Variants in PDE7B observed in about 807,000 individuals in gnomAD.
PDE7B encodes the protein phosphodiesterase 7B.
PDE7B carries 29 observed loss-of-function variants against 56.2 expected under a neutral mutation model. The observed-to-expected ratio is 0.52, with a 90% CI of 0.38 to 0.70. The LOEUF (loss-of-function observed/expected upper bound fraction) is 0.70, where lower values mean the gene tolerates loss of function less well. PDE7B is among the 30% of genes least tolerant of loss of function. PDE7B has a pLI of 0.00. For synonymous variants in PDE7B, 197 were observed against 196.9 expected, an observed-to-expected ratio of 1.00 and a Z score of 0.00; for missense variants, 490 against 565.0, an observed-to-expected ratio of 0.87 and a Z score of 1.35.
At chr6:135,937,930 C>A (rs2128198220) in intron 1 of PDE7B, among the ~76,000 whole-genome samples, 1 of 152,314 alleles carries the variant, frequency 6.6e-6, no homozygotes. Flanking sequence ...CTTCTACCTT[C>A]TTCCTTCCGC....
At chr6:136,040,581 AT>A (rs1318592023) in intron 2 of PDE7B, among the ~76,000 whole-genome samples, 2 of 152,110 alleles carry the variant, frequency 1.3e-5, no homozygotes, top group Admixed American at 1.3e-4. Flanking sequence ...AACTTCTGGC[AT>A]TTTTTTGTTT....
chr6:135,949,374 C>T (rs981954239), intron 2 of PDE7B, among the ~76,000 whole-genome samples: 2 of 152,052 alleles, frequency 1.3e-5, no homozygotes, highest in African/African-American at 4.8e-5. Flanking sequence ...AATTATCTTT[C>T]CATCTCTTCT....
At chr6:135,975,640 G>T (rs1386373912) in intron 2 of PDE7B, among the ~76,000 whole-genome samples, 5 of 152,172 alleles carry the variant, frequency 3.3e-5, no homozygotes, top group Admixed American at 3.3e-4. Context: ...GTAAAGAAAA[G>T]GATTCTATTT....
In PDE7B at chr6:136,142,039, G is replaced by A. The variant is rs1256322862; in HGVS notation, c.167-5312G>A. 3.3e-5 allele frequency among the ~76,000 whole-genome samples: 5 copies of A among 152,066 alleles called. No homozygotes were observed. In the East Asian group the frequency reaches 9.6e-4, roughly 29 times the overall value. On this transcript the variant is annotated intron_variant, in intron 3 of 12. Coordinates refer to ENST00000308191, the MANE Select transcript of PDE7B (RefSeq NM_018945.4). ...TCTTGCTTCTCTAGTTCTTTTAATT[G>A]TGATGTTAGGGTATCAGTTTTAGAT...
At chr6:135,976,851 A>G (rs1294520902) in intron 2 of PDE7B, among the ~76,000 whole-genome samples, 1 of 152,054 alleles carries the variant, frequency 6.6e-6, no homozygotes, top group Admixed American at 6.6e-5. Flanking sequence ...AGGCTATTTC[A>G]CTTTCTAAAA....
chr6:136,140,722 T>G (rs9494453), intron 3 of PDE7B, among the ~76,000 whole-genome samples: 54,231 of 151,960 alleles, frequency 0.36, 9,892 homozygotes, highest in South Asian at 0.47. Context: ...TTTTGTTCTC[T>G]TTGAAGCAAT....
At chr6:136,145,503 G>A (rs1437163698) in intron 3 of PDE7B, among the ~76,000 whole-genome samples, 1 of 152,110 alleles carries the variant, frequency 6.6e-6, no homozygotes, top group Non-Finnish European at 1.5e-5. Context: ...CAGAATCTGG[G>A]TGCTAGAAGT....
chr6:135,993,034 C>G, intron 2 of PDE7B: 1 of 152,340 alleles, frequency 6.6e-6, no homozygotes, highest in Non-Finnish European at 1.5e-5. Flanking sequence ...CCAAATGCTC[C>G]TATCATCACG....
At chr6:136,160,769 C>A (rs900784065) in intron 8 of PDE7B, among the ~76,000 whole-genome samples, 2 of 152,300 alleles carry the variant, frequency 1.3e-5, no homozygotes, top group African/African-American at 4.8e-5. Context: ...CACCATTCCC[C>A]TCCCAGGCTT....
chr6:136,149,167 A>G lies in PDE7B; in HGVS notation c.382+17A>G, dbSNP rs1778469203. The stretch of plus-strand genomic sequence containing the variant: ...TGACAAATGGTAAGTTACCCAAAAG[A>G]ATTCTCACTAAAATATACACCATAA... On this transcript the variant is annotated intron_variant, in intron 5 of 12. Transcript: ENST00000308191. The G allele has an allele frequency of 6.5e-7, 1 of 1,542,752 alleles. No homozygotes were observed. Among genetic ancestry groups the G allele is most frequent in the Non-Finnish European group, 9.0e-7 (1 of 1,115,034 alleles).
chr6:135,951,923 G>A (rs1301319844), intron 2 of PDE7B, among the ~76,000 whole-genome samples: 7 of 152,238 alleles, frequency 4.6e-5, no homozygotes, highest in Middle Eastern at 3.4e-3. Flanking sequence ...CTAATCTTCA[G>A]AACAACAGAA....
At chr6:135,928,870 A>G (rs1265736371) in intron 1 of PDE7B, among the ~76,000 whole-genome samples, 2 of 151,984 alleles carry the variant, frequency 1.3e-5, no homozygotes, top group Non-Finnish European at 2.9e-5. Context: ...TATGCTCACT[A>G]CCTGGGTAAC....
chr6:136,173,902 A>T lies in PDE7B; in HGVS notation c.803+14A>T, dbSNP rs745841159. 4.5e-6 allele frequency: 7 copies of T among 1,572,908 alleles called. No homozygotes were observed. The highest frequency in any genetic ancestry group is 6.1e-6 in the Non-Finnish European group (7 of 1,142,688). On this transcript the variant is annotated intron_variant, in intron 9 of 12. Transcript: ENST00000308191. ...AAAGGAAATGACGTAAGTGCTGCCGAGATGAAACATACTGATGTGCATGCA... is the reference window on the plus strand; with the variant it reads ...AAAGGAAATGACGTAAGTGCTGCCGTGATGAAACATACTGATGTGCATGCA...
intron 2 of PDE7B, among the ~76,000 whole-genome samples, chr6:136,001,761 G>C (rs1485328171): frequency 3.9e-5 from 6 of 152,176 alleles, no homozygotes; most frequent in Admixed American, 3.3e-4. Context: ...ATGGAACCAA[G>C]TTGGAAAACA....
chr6:135,884,130 T>TTGCCAGTAC (rs1436050906), intron 1 of PDE7B, among the ~76,000 whole-genome samples: 1 of 152,248 alleles, frequency 6.6e-6, no homozygotes, highest in East Asian at 1.9e-4. Flanking sequence ...CAGAGTTTGC[T>TTGCCAGTAC]TGCCAGTACT....
chr6:136,151,316 T>G, intron 6 of PDE7B, 61 bp downstream of exon 6: 1 of 824,996 alleles, frequency 1.2e-6, no homozygotes, highest in South Asian at 1.4e-5. Context: ...TGCATAATAC[T>G]CTTTAATATA....
chr6:136,185,222 G>C (rs7746842), intron 11 of PDE7B, among the ~76,000 whole-genome samples: 1 of 152,044 alleles, frequency 6.6e-6, no homozygotes, highest in Non-Finnish European at 1.5e-5. Context: ...AGGCACAAGA[G>C]ACCCCAGGAG....
At chr6:135,930,390 G>A (rs146641470) in intron 1 of PDE7B, among the ~76,000 whole-genome samples, 287 of 152,274 alleles carry the variant, frequency 1.9e-3, no homozygotes, top group African/African-American at 6.5e-3. Flanking sequence ...ATATCACCAT[G>A]GAAGGTTGTG....
chr6:136,102,450 AAGTATT>A (rs1777578576), intron 2 of PDE7B, among the ~76,000 whole-genome samples: 1 of 152,292 alleles, frequency 6.6e-6, no homozygotes, highest in South Asian at 2.1e-4. Context: ...TGGAGATTAA[AAGTATT>A]ATCCCAGAAA....
Sources: allele counts gnomAD v4.1 joint callset (sites outside exome capture counted in the v4.1 genomes callset), GRCh38; gene constraint gnomAD v4.1.1; transcripts MANE v1.5; gene names NCBI Gene and HGNC (gene_info 2026-07-23, HGNC 2026-07-21).